The following CDH23 variants were observed in gnomAD, a reference collection of about 807,000 sequenced individuals.
CDH23 encodes cadherin related 23.
A neutral mutation model predicts 317.1 loss-of-function variants in CDH23; 189 were observed. That is an observed-to-expected ratio of 0.60 (90% CI 0.53 to 0.67). The LOEUF is 0.67. Ranked by LOEUF, CDH23 falls within the 30% of genes least tolerant of loss-of-function variation. The pLI is 0.00. For synonymous variants in CDH23, 1,839 were observed against 1,876.8 expected, an observed-to-expected ratio of 0.98 and a Z score of 0.52; for missense variants, 4,401 against 4,592.4, an observed-to-expected ratio of 0.96 and a Z score of 1.20.
At chr10:71,538,476 C>G (rs1442044472) in intron 6 of CDH23, among the ~76,000 whole-genome samples, 1 of 152,140 alleles carries the variant, frequency 6.6e-6, no homozygotes, top group African/African-American at 2.4e-5. Context: ...TTCTAGGGCC[C>G]GTGATTGCTG....
At chr10:71,645,503 G>T (rs956337283) in intron 12 of CDH23, 4 of 478,690 alleles carry the variant, frequency 8.4e-6, no homozygotes, top group Non-Finnish European at 1.6e-5. Context: ...GCAGCTGGCC[G>T]GTCCCTCCGC....
intron 8 of CDH23, among the ~76,000 whole-genome samples, chr10:71,572,275 G>A (rs1857868740): frequency 6.6e-6 from 1 of 151,736 alleles, no homozygotes; most frequent in Admixed American, 6.6e-5. Flanking sequence ...GACTTTCCTA[G>A]CCCCTTTTCT....
chr10:71,760,172 T>TATATGTGTGTATATATATGTATATAC lies in CDH23; in HGVS notation c.4846-17503_4846-17478dup. Among the ~76,000 whole-genome samples, 2 of 18,610 alleles carry TATATGTGTGTATATATATGTATATAC rather than the reference T, an allele frequency of 1.1e-4. 1 individual carries two copies. Among genetic ancestry groups the TATATGTGTGTATATATATGTATATAC allele is most frequent in the Non-Finnish European group, 2.3e-4 (2 of 8,764 alleles). The allele number at this position is 18,610 out of a possible 152,430, so 12.2% of individuals were successfully genotyped here. ...GTGTGTATATATATGTATATACATATATATGTGTGTATATATATGTATATA... is the reference window on the plus strand; with the variant it reads ...GTGTGTATATATATGTATATACATATATATGTGTGTATATATATGTATATACATATGTGTGTATATATATGTATATA... On this transcript the variant is annotated intron_variant, in intron 38 of 69. Coordinates refer to ENST00000224721, the MANE Select transcript of CDH23 (RefSeq NM_022124.6).
At chr10:71,784,236 A>G in intron 41 of CDH23, 51 bp from the exon 42 acceptor site, 1 of 1,586,288 alleles carries the variant, frequency 6.3e-7, no homozygotes, top group Non-Finnish European at 8.6e-7. Flanking sequence ...TGGGGTCTCC[A>G]CAGTTCCTGC....
intron 9 of CDH23, among the ~76,000 whole-genome samples, chr10:71,607,833 G>T (rs1860622366): frequency 6.6e-6 from 1 of 152,172 alleles, no homozygotes; most frequent in African/African-American, 2.4e-5. Context: ...AGCTGAAGAG[G>T]TTAAGTCTGC....
intron 28 of CDH23, chr10:71,714,998 C>G (rs1308152328): frequency 6.6e-6 from 1 of 152,302 alleles, no homozygotes; most frequent in East Asian, 1.9e-4. Context: ...AAAGCACTCA[C>G]CAAAACCACA....
At position 71,397,635 on chromosome 10, in the gene CDH23, C is replaced by T. The variant is rs1366534821; in HGVS notation, c.-6+317C>T. Among the ~76,000 whole-genome samples the T allele has an allele frequency of 2.0e-5, 3 of 152,090 alleles. 1 individual carries two copies. Among genetic ancestry groups the T allele is most frequent in the South Asian group, 4.1e-4 (2 of 4,826 alleles). Reference sequence around the variant, plus strand: ...TCCTGGGACCGCGAACATTTGGGGGCTTTGCTCTCGGCGCTACGGAGAGGG... The same window carrying T: ...TCCTGGGACCGCGAACATTTGGGGGTTTTGCTCTCGGCGCTACGGAGAGGG... On this transcript the variant is annotated intron_variant, in intron 1 of 69. Transcript: ENST00000224721. This position sits in a 1 kb window ranked among gnomAD's most constrained non-coding sequence, Gnocchi z 4.8.
intron 14 of CDH23, among the ~76,000 whole-genome samples, chr10:71,663,518 T>C (rs1863763335): frequency 6.6e-6 from 1 of 152,126 alleles, no homozygotes; most frequent in Non-Finnish European, 1.5e-5. Context: ...TGCCACTCCC[T>C]GTCTACACCA....
chr10:71,409,180 G>A (rs753327077), intron 1 of CDH23, among the ~76,000 whole-genome samples: 3 of 152,178 alleles, frequency 2.0e-5, no homozygotes, highest in Non-Finnish European at 4.4e-5. Context: ...CTCTGACCAA[G>A]GGGCCCTGTT....
chr10:71,599,475 A>G (rs73272029), intron 9 of CDH23, among the ~76,000 whole-genome samples: 59 of 152,336 alleles, frequency 3.9e-4, no homozygotes, highest in African/African-American at 1.3e-3. Flanking sequence ...AGATGCATAC[A>G]GTATGTAAAG....
At chr10:71,431,941 G>C (rs768603766) in intron 1 of CDH23, among the ~76,000 whole-genome samples, 1 of 152,212 alleles carries the variant, frequency 6.6e-6, no homozygotes, top group African/African-American at 2.4e-5. Context: ...AGTGTGCCTT[G>C]CTCCAGCAGA....
intron 60 of CDH23, among the ~76,000 whole-genome samples, 151 bp downstream of exon 60, chr10:71,808,158 C>T (rs1841797868): frequency 6.6e-6 from 1 of 152,228 alleles, no homozygotes; most frequent in Non-Finnish European, 1.5e-5. Flanking sequence ...TCCACCTATT[C>T]AGCAATCCGT....
Position 71,793,598 on chromosome 10 carries a change from G to A in CDH23, c.6670G>A (p.Val2224Met). The A allele has an allele frequency of 6.2e-7, 1 of 1,607,552 alleles. No individual in the cohort carries two copies. Among genetic ancestry groups the A allele is most frequent in the Non-Finnish European group, 8.5e-7 (1 of 1,175,318 alleles). The change falls in exon 48 of 70, where the codon GTG (valine) becomes ATG (methionine). Residue 2224 changes from valine to methionine, a missense_variant. This residue lies in a region of CDH23 where 3,068 missense variants were observed against 3,203.3 expected (regional missense o/e 0.96). Coordinates refer to ENST00000224721, the MANE Select transcript of CDH23 (RefSeq NM_022124.6). ...IVAKDDTDRL[V>M]PNQEDAFAVN... ...GGCCAAGGACGACACTGATCGCCTG[G>A]TGCCCAACCAGGAGGACGCCTTTGC...
Position 71,682,490 on chromosome 10 carries a change from G to A in CDH23, c.1904G>A (p.Gly635Glu), listed in dbSNP as rs1282755507. The change falls in exon 18 of 70, where the codon GGG becomes GAG. Residue 635 changes from glycine (G) to glutamate (E), a missense_variant. By Grantham distance (98) the Gly-to-Glu change is moderately conservative. Transcript: ENST00000224721. ...RPLDYEQISN[G>E]LIYLTVMAMD... ...CTGGATTATGAACAGATATCCAATG[G>A]GCTGATTTATCTGACGGTCATGGCC... is the stretch of plus-strand genomic sequence containing the variant. 4 of 1,613,032 alleles carry A rather than the reference G, an allele frequency of 2.5e-6. No individual in the cohort carries two copies. Among genetic ancestry groups the A allele is most frequent in the Non-Finnish European group, 2.5e-6 (3 of 1,179,568 alleles).
intron 38 of CDH23, among the ~76,000 whole-genome samples, chr10:71,771,510 C>T (rs1446752674): frequency 1.3e-5 from 2 of 152,250 alleles, no homozygotes; most frequent in African/African-American, 4.8e-5. Flanking sequence ...TGCAACCAGG[C>T]CTCCCATCTG....
At chr10:71,575,570 C>T (rs1462849340) in intron 8 of CDH23, among the ~76,000 whole-genome samples, 1 of 152,200 alleles carries the variant, frequency 6.6e-6, no homozygotes, top group African/African-American at 2.4e-5. Context: ...ACACTGTAGC[C>T]TCTCTCTCGG....
intron 43 of CDH23, 91 bp from the exon 44 acceptor site, chr10:71,785,540 A>G: frequency 4.7e-6 from 4 of 851,546 alleles, no homozygotes; most frequent in Non-Finnish European, 7.7e-6. Context: ...TAGGCAATTT[A>G]GGGAGGCCAA....
At chr10:71,688,628 A>C in intron 19 of CDH23, among the ~76,000 whole-genome samples, 2 of 139,488 alleles carry the variant, frequency 1.4e-5, no homozygotes, top group Admixed American at 7.0e-5. Context: ...TGGTGGAGCC[A>C]GGGGTGGTGG....
intron 9 of CDH23, among the ~76,000 whole-genome samples, chr10:71,586,690 A>G (rs1224389804): frequency 6.6e-6 from 1 of 152,202 alleles, no homozygotes; most frequent in Non-Finnish European, 1.5e-5. Flanking sequence ...CCAGAACCAC[A>G]TATTTGAATC....
Sources: gnomAD v4.1 joint callset for allele counts (sites outside exome capture counted in the v4.1 genomes callset) on GRCh38, gnomAD v4.1.1 for gene constraint, gnomAD v4.1.1 regional missense constraint, Gnocchi (gnomAD v3.1) non-coding constraint, MANE v1.5 for transcripts, NCBI Gene and HGNC (gene_info 2026-07-23, HGNC 2026-07-21) for gene names.